ATXN7L1: variants seen among roughly 807,000 people sequenced by gnomAD.
ATXN7L1 encodes ataxin 7 like 1.
In ATXN7L1, 15 loss-of-function variants were observed where a neutral mutation model predicts 70.8. That is an observed-to-expected ratio of 0.21 (90% CI 0.14 to 0.33). The LOEUF (loss-of-function observed/expected upper bound fraction) is 0.33. Among genes scored for constraint, ATXN7L1 ranks in the 10% least tolerant of loss-of-function variants. The pLI, the probability that ATXN7L1 is intolerant of heterozygous loss-of-function variation, is 1.00. For missense variants in ATXN7L1, 975 were observed against 1,097.1 expected, an observed-to-expected ratio of 0.89 and a Z score of 1.57; for synonymous variants, 440 against 445.1, an observed-to-expected ratio of 0.99 and a Z score of 0.14.
intron 3 of ATXN7L1, among the ~76,000 whole-genome samples, chr7:105,758,462 T>C (rs1800083693): frequency 6.6e-6 from 1 of 152,188 alleles, no homozygotes; most frequent in South Asian, 2.1e-4. Context: ...ACCATCACAC[T>C]CTTCAGTGTG....
intron 7 of ATXN7L1, among the ~76,000 whole-genome samples, chr7:105,627,106 C>G (rs1445948797): frequency 4.6e-5 from 7 of 152,186 alleles, no homozygotes; most frequent in Admixed American, 4.6e-4. Flanking sequence ...CAGGCTCTCT[C>G]TCTATGAAGC....
At chr7:105,845,719 C>G (rs1419576279) in intron 2 of ATXN7L1, among the ~76,000 whole-genome samples, 1 of 152,112 alleles carries the variant, frequency 6.6e-6, no homozygotes, top group Non-Finnish European at 1.5e-5. Context: ...ATCAATGGAA[C>G]AGAACTGAGA....
Position 105,810,740 on chromosome 7 carries a change from G to A in ATXN7L1, c.251-22032C>T, listed in dbSNP as rs146717899. Among the ~76,000 whole-genome samples the A allele has an allele frequency of 4.4e-3, 668 of 152,384 alleles. 3 individuals are homozygous for A. Among genetic ancestry groups the A allele is most frequent in the African/African-American group, 0.015 (641 of 41,596 alleles). On this transcript the variant is annotated intron_variant, in intron 2 of 11. Transcript: ENST00000419735. ...CACTGAAGCCGGGGATGGCATGGGGGCGGCGGAAAGGCTGTGCCAGTGACT... is the reference window on the plus strand; with the variant it reads ...CACTGAAGCCGGGGATGGCATGGGGACGGCGGAAAGGCTGTGCCAGTGACT...
intron 4 of ATXN7L1, among the ~76,000 whole-genome samples, chr7:105,655,625 C>T (rs1705150667): frequency 6.6e-6 from 1 of 152,186 alleles, no homozygotes; most frequent in South Asian, 2.1e-4. Flanking sequence ...AGGGAGCCAT[C>T]AATCCTGAGC....
chr7:105,613,897 C>T lies in ATXN7L1; in HGVS notation c.2437G>A (p.Val813Met). Residue 813 changes from valine (V) to methionine (M), a missense_variant, in exon 10 of 12, where the codon GTG becomes ATG. Val to Met is a conservative substitution (Grantham distance 21). This residue lies in a region of ATXN7L1 where 635 missense variants were observed against 699.4 expected (regional missense o/e 0.91). Transcript: ENST00000419735. ...GAGGTGCTGTTAACGGGATCGGGCA[C>T]CGGTGCGAGAAGGCTGGGCGGGTTC... ...KKNPPSLLAP[V>M]PDPVNSTSSR... 6.4e-7 allele frequency: 1 copy of T among 1,552,060 alleles called. No individual in the cohort carries two copies. Among genetic ancestry groups the T allele is most frequent in the Non-Finnish European group, 8.7e-7 (1 of 1,147,030 alleles).
chr7:105,671,098 A>C (rs10253177), intron 3 of ATXN7L1, among the ~76,000 whole-genome samples: 113,757 of 127,982 alleles, frequency 0.89, 50,581 homozygotes, highest in African/African-American at 0.96. Flanking sequence ...CAGCGAGACT[A>C]CGTCTCAAAA....
intron 3 of ATXN7L1, among the ~76,000 whole-genome samples, chr7:105,725,142 A>G (rs1434369727): frequency 6.6e-6 from 1 of 152,172 alleles, no homozygotes; most frequent in Non-Finnish European, 1.5e-5. Flanking sequence ...TCTTTTTGGG[A>G]AGACACAATT....
chr7:105,737,246 T>G (rs1797483833), intron 3 of ATXN7L1, among the ~76,000 whole-genome samples: 2 of 152,228 alleles, frequency 1.3e-5, no homozygotes, highest in Non-Finnish European at 2.9e-5. Flanking sequence ...CTTTTGCGCC[T>G]TTCCCAAATG....
intron 2 of ATXN7L1, among the ~76,000 whole-genome samples, chr7:105,827,865 C>G (rs922806996): frequency 6.6e-6 from 1 of 152,134 alleles, no homozygotes; most frequent in Non-Finnish European, 1.5e-5. Flanking sequence ...GGGCTGCATC[C>G]TATAATCAGA....
Position 105,604,858 on chromosome 7 carries a change from C to T in ATXN7L1, c.*2994G>A, listed in dbSNP as rs190162254. ...AGAGTTTTGTTAAAGTGCCATGGGC[C>T]GACAGCATAACAAAATATAAGGTGT... On this transcript the variant is annotated 3_prime_UTR_variant, in exon 12 of 12. Coordinates refer to ENST00000419735, the MANE Select transcript of ATXN7L1 (RefSeq NM_020725.2). Among the ~76,000 whole-genome samples, 1,149 of 152,074 alleles carry T rather than the reference C, an allele frequency of 7.6e-3. 6 individuals are homozygous for T. The highest frequency in any genetic ancestry group is 0.013 in the Non-Finnish European group (906 of 67,994).
intron 3 of ATXN7L1, chr7:105,761,261 A>C (rs910535126): frequency 9.8e-6 from 15 of 1,537,742 alleles, no homozygotes; most frequent in African/African-American, 1.4e-5. Flanking sequence ...AGTGAATGGA[A>C]GCTTGTCCAC....
At chr7:105,690,918 CA>C (rs770334124) in intron 3 of ATXN7L1, among the ~76,000 whole-genome samples, 37 of 152,152 alleles carry the variant, frequency 2.4e-4, no homozygotes, top group Admixed American at 1.3e-4. Context: ...CACGGGCCCC[CA>C]AAGATGCTAC....
intron 3 of ATXN7L1, among the ~76,000 whole-genome samples, chr7:105,681,926 TAA>T (rs1442018191): frequency 2.0e-5 from 3 of 152,072 alleles, no homozygotes; most frequent in African/African-American, 4.8e-5. Context: ...TTTTGCAAGA[TAA>T]AGAGTTCAGG....
intron 4 of ATXN7L1, among the ~76,000 whole-genome samples, chr7:105,657,702 C>CAAAAAAAAAAAAAAAAAAAAAAAAAAA (rs71155465): frequency 3.8e-5 from 1 of 26,108 alleles, no homozygotes; most frequent in Non-Finnish European, 6.4e-5. Context: ...GACCCTGTCT[C>CAAAAAAAAAAAAAAAAAAAAAAAAAAA]AAAAAAAAAA....
chr7:105,696,262 C>T (rs1283068243), intron 3 of ATXN7L1, among the ~76,000 whole-genome samples: 1 of 152,154 alleles, frequency 6.6e-6, no homozygotes, highest in Non-Finnish European at 1.5e-5. Flanking sequence ...GTAGTGCTTC[C>T]CACTGCTAGT....
intron 4 of ATXN7L1, among the ~76,000 whole-genome samples, chr7:105,647,579 G>A (rs569163596): frequency 3.9e-5 from 6 of 152,308 alleles, no homozygotes; most frequent in African/African-American, 1.4e-4. Context: ...CCTGGGAGAC[G>A]GAGGTTGCAG....
chr7:105,864,258 C>A (rs1240382086), intron 2 of ATXN7L1, among the ~76,000 whole-genome samples: 4 of 151,612 alleles, frequency 2.6e-5, no homozygotes, highest in Non-Finnish European at 5.9e-5. Context: ...GAGTTTGAGA[C>A]CAGCCTGGGG....
intron 3 of ATXN7L1, among the ~76,000 whole-genome samples, chr7:105,747,427 G>A (rs1455996834): frequency 6.6e-6 from 1 of 152,138 alleles, no homozygotes; most frequent in African/African-American, 2.4e-5. Context: ...AGCTCCATAG[G>A]GACAGAAATT....
At chr7:105,785,767 G>T (rs990679539) in intron 3 of ATXN7L1, among the ~76,000 whole-genome samples, 7 of 150,906 alleles carry the variant, frequency 4.6e-5, no homozygotes, top group Non-Finnish European at 7.4e-5. Context: ...AGACCTCAGA[G>T]AACTCTTGTT....
Sources: gnomAD v4.1 joint callset for allele counts (sites outside exome capture counted in the v4.1 genomes callset) on GRCh38, gnomAD v4.1.1 for gene constraint, gnomAD v4.1.1 regional missense constraint, MANE v1.5 for transcripts, NCBI Gene and HGNC (gene_info 2026-07-23, HGNC 2026-07-21) for gene names.